RHBDD1: variants seen among roughly 807,000 people sequenced by gnomAD.
RHBDD1 encodes the protein rhomboid domain containing 1, also known as rhomboid-related protein 4.
Under a neutral mutation model 36.3 loss-of-function variants are expected in RHBDD1, and 38 were observed. That is an observed-to-expected ratio of 1.05 (90% CI 0.81 to 1.37). The LOEUF (loss-of-function observed/expected upper bound fraction) is 1.37, where lower values mean the gene tolerates loss of function less well. Among genes scored for constraint, RHBDD1 ranks in the 40% most tolerant of loss-of-function variants. The probability of loss-of-function intolerance (pLI) is 0.00; values close to 1 mark genes in which losing one functional copy is unlikely to be tolerated. For synonymous variants in RHBDD1, 151 were observed against 136.5 expected (o/e 1.11, Z -0.74); for missense variants, 393 against 377.6 (o/e 1.04, Z -0.34).
intron 8 of RHBDD1, among the ~76,000 whole-genome samples, chr2:226,927,236 G>A (rs1949721522): frequency 6.6e-6 from 1 of 152,042 alleles, no homozygotes; most frequent in Non-Finnish European, 1.5e-5. Flanking sequence ...CTTTCCCTGA[G>A]CAAAGTTTAT....
chr2:226,927,710 T>A (rs940435232), intron 8 of RHBDD1, among the ~76,000 whole-genome samples: 1 of 152,128 alleles, frequency 6.6e-6, no homozygotes, highest in Non-Finnish European at 1.5e-5. Context: ...ATTTCTCTAA[T>A]GACTAATGAT....
intron 5 of RHBDD1, 33 bp from the exon 6 acceptor site, chr2:226,906,760 C>T (rs959294371): frequency 1.2e-6 from 2 of 1,613,898 alleles, no homozygotes; most frequent in Admixed American, 3.3e-5. Flanking sequence ...AGCAGCAGAA[C>T]AAACACTCAC....
intron 3 of RHBDD1, among the ~76,000 whole-genome samples, chr2:226,860,149 A>G (rs1227179764): frequency 2.0e-5 from 3 of 152,150 alleles, no homozygotes; most frequent in Non-Finnish European, 2.9e-5. Flanking sequence ...TGGAAATCCC[A>G]TGTCTTGAGG....
At chr2:226,845,081 A>G (rs1942080029) in intron 3 of RHBDD1, among the ~76,000 whole-genome samples, 1 of 152,080 alleles carries the variant, frequency 6.6e-6, no homozygotes, top group Admixed American at 6.6e-5. Flanking sequence ...TAATCTTGAC[A>G]GAGATCCTGG....
At chr2:226,926,874 A>G (rs537312261) in intron 8 of RHBDD1, among the ~76,000 whole-genome samples, 55 of 152,176 alleles carry the variant, frequency 3.6e-4, no homozygotes, top group Non-Finnish European at 6.6e-4. Flanking sequence ...ACAAGGCTAA[A>G]TATTAGTCTT....
Position 226,995,893 on chromosome 2 carries a change from G to A in RHBDD1, c.*371G>A. On this transcript the variant is annotated 3_prime_UTR_variant, in exon 9 of 9. Coordinates refer to ENST00000392062, the MANE Select transcript of RHBDD1 (RefSeq NM_001167608.3). ...GTCGGGAAGATTAGTCCCTCATTCT[G>A]CCTGGAGTGCCCCGTGTTTGACTTG... 1 of 197,412 alleles carries A rather than the reference G, an allele frequency of 5.1e-6. No homozygotes were observed. Among genetic ancestry groups the A allele is most frequent in the Admixed American group, 5.9e-5 (1 of 17,048 alleles). The allele number at this position is 197,412 out of a possible 1,614,324, so 12.2% of individuals were successfully genotyped here.
At position 226,871,030 on chromosome 2, in the gene RHBDD1, G is replaced by A. The variant is rs188065412; in HGVS notation, c.566+3712G>A. Among the ~76,000 whole-genome samples, 344 of 152,152 alleles carry A rather than the reference G, an allele frequency of 2.3e-3. 1 individual carries two copies. Among genetic ancestry groups the A allele is most frequent in the Non-Finnish European group, 3.0e-3 (206 of 68,002 alleles). ...TGACAGCTGAAAGCATTACCCCCTA[G>A]GCTTTGGATACTGCTTCATTGCTAA... On this transcript the variant is annotated intron_variant, in intron 5 of 8. Coordinates refer to ENST00000392062, the MANE Select transcript of RHBDD1 (RefSeq NM_001167608.3).
the RHBDD1 span, among the ~76,000 whole-genome samples, chr2:226,821,248 G>A: frequency 5.8e-4 from 89 of 152,186 alleles, no homozygotes; most frequent in African/African-American, 2.1e-3. Flanking sequence ...GGCTAGAGCT[G>A]GGACTGAAGC....
upstream of RHBDD1, among the ~76,000 whole-genome samples, chr2:226,831,916 A>G (rs1369524311): frequency 2.1e-4 from 31 of 146,556 alleles, no homozygotes; most frequent in Admixed American, 2.1e-3. Flanking sequence ...TGGTCTTTTT[A>G]ATTTTTTGGC....
chr2:226,855,540 G>T (rs1943240382), intron 3 of RHBDD1, among the ~76,000 whole-genome samples: 1 of 152,154 alleles, frequency 6.6e-6, no homozygotes, highest in Non-Finnish European at 1.5e-5. Context: ...ATAAATTAAA[G>T]TCAGAAAGAT....
chr2:226,952,194 G>A (rs1030354816), intron 8 of RHBDD1, among the ~76,000 whole-genome samples: 5 of 151,580 alleles, frequency 3.3e-5, no homozygotes, highest in Admixed American at 2.0e-4. Flanking sequence ...AGTTCCCTGA[G>A]AATCAAAGTG....
chr2:226,802,301 T>C, the RHBDD1 span, among the ~76,000 whole-genome samples: 1 of 152,224 alleles, frequency 6.6e-6, no homozygotes, highest in Non-Finnish European at 1.5e-5. Flanking sequence ...ACAAATTATG[T>C]TCAGACCAAT....
upstream of RHBDD1, among the ~76,000 whole-genome samples, chr2:226,835,083 G>T (rs1293514785): frequency 1.3e-5 from 2 of 151,980 alleles, no homozygotes; most frequent in Non-Finnish European, 2.9e-5. Context: ...GCCTGTTGTT[G>T]TTTTTTAAAT....
intron 5 of RHBDD1, among the ~76,000 whole-genome samples, chr2:226,872,958 G>GC: frequency 6.6e-6 from 1 of 152,292 alleles, no homozygotes; most frequent in East Asian, 1.9e-4. Context: ...ATGTGGGAGA[G>GC]CCTCTAATTT....
chr2:226,813,878 G>A, the RHBDD1 span, among the ~76,000 whole-genome samples: 1 of 152,162 alleles, frequency 6.6e-6, no homozygotes. Flanking sequence ...ATATGGTGGT[G>A]GGGATTACAA....
chr2:226,815,323 C>G, the RHBDD1 span, among the ~76,000 whole-genome samples: 1,037 of 152,228 alleles, frequency 6.8e-3, 29 homozygotes, highest in East Asian at 0.027. Context: ...GCAATAAGAA[C>G]AGCTAAAATT....
At chr2:226,942,798 T>C (rs1434142596) in intron 8 of RHBDD1, among the ~76,000 whole-genome samples, 3 of 152,230 alleles carry the variant, frequency 2.0e-5, no homozygotes, top group Non-Finnish European at 4.4e-5. Flanking sequence ...ACTTAATTTG[T>C]CTTTAATAGT....
chr2:226,835,926 G>A (rs1365353485), upstream of RHBDD1: 1 of 152,410 alleles, frequency 6.6e-6, no homozygotes, highest in Non-Finnish European at 1.5e-5. Context: ...ACAGCAGAGC[G>A]CGGGCGCGCA....
intron 3 of RHBDD1, among the ~76,000 whole-genome samples, chr2:226,850,106 A>C (rs895898007): frequency 2.0e-5 from 3 of 152,212 alleles, no homozygotes; most frequent in Non-Finnish European, 4.4e-5. Context: ...GGACGTGCTA[A>C]CTGAATGTCT....
Sources: allele counts gnomAD v4.1 joint callset (sites outside exome capture counted in the v4.1 genomes callset), GRCh38; gene constraint gnomAD v4.1.1; transcripts MANE v1.5; gene names NCBI Gene and HGNC (gene_info 2026-07-23, HGNC 2026-07-21).